BMP2K: variants seen among roughly 807,000 people sequenced by gnomAD.
BMP2K encodes BMP2 inducible kinase.
Under a neutral mutation model 116.0 loss-of-function variants are expected in BMP2K, and 74 were observed. The ratio of observed to expected loss-of-function variants is 0.64; its 90% confidence interval spans 0.53 to 0.77. The LOEUF (loss-of-function observed/expected upper bound fraction) is 0.77, where lower values mean the gene tolerates loss of function less well. Among genes scored for constraint, BMP2K ranks in the 30% least tolerant of loss-of-function variants. The pLI is 0.00. For missense variants in BMP2K, 1,365 were observed against 1,403.6 expected (o/e 0.97, Z 0.44); for synonymous variants, 486 against 502.5 (o/e 0.97, Z 0.44).
At chr4:78,781,843 G>C (rs1727519791) in intron 1 of BMP2K, among the ~76,000 whole-genome samples, 1 of 152,138 alleles carries the variant, frequency 6.6e-6, no homozygotes, top group South Asian at 2.1e-4. Flanking sequence ...TGAGTACCGA[G>C]TACCACTGAT....
intron 3 of BMP2K, 48 bp downstream of exon 3, chr4:78,833,735 A>G (rs773108508): frequency 1.6e-6 from 2 of 1,253,284 alleles, no homozygotes; most frequent in Non-Finnish European, 2.3e-6. Flanking sequence ...TTCTCCTTAA[A>G]TGGGTTACTA....
chr4:78,859,854 C>T lies in BMP2K; in HGVS notation c.987+167C>T, dbSNP rs556798102. ...GTTTGATATTTGTGGTATAAAGCTTCAGTACCCAAACTATGCACTGAGATA... is the reference window on the plus strand; with the variant it reads ...GTTTGATATTTGTGGTATAAAGCTTTAGTACCCAAACTATGCACTGAGATA... On this transcript the variant is annotated intron_variant, in intron 8 of 15. Coordinates refer to ENST00000502613, the MANE Select transcript of BMP2K (RefSeq NM_198892.2). Among the ~76,000 whole-genome samples the T allele has an allele frequency of 2.6e-5, 4 of 151,802 alleles. No homozygotes were observed. In the South Asian group the frequency reaches 8.3e-4, roughly 32 times the overall value.
At chr4:78,807,363 T>C (rs1728868891) in intron 1 of BMP2K, among the ~76,000 whole-genome samples, 1 of 152,232 alleles carries the variant, frequency 6.6e-6, no homozygotes, top group Non-Finnish European at 1.5e-5. Context: ...TGTTGGATTT[T>C]AACATCTATA....
chr4:78,821,202 C>G lies in BMP2K; in HGVS notation c.179-4835C>G, dbSNP rs564786170. Among the ~76,000 whole-genome samples the G allele has an allele frequency of 2.6e-5, 4 of 152,226 alleles. No homozygotes were observed. The South Asian group carries it at 8.3e-4, about 32-fold the overall frequency. On this transcript the variant is annotated intron_variant, in intron 1 of 15. Coordinates refer to ENST00000502613, the MANE Select transcript of BMP2K (RefSeq NM_198892.2). The stretch of plus-strand genomic sequence containing the variant: ...AGGGTTTCTTTGAACGTCTGATCAT[C>G]TTTTTATGTCTGTTCTTTTTAAAGA...
intron 14 of BMP2K, among the ~76,000 whole-genome samples, chr4:78,885,036 T>C (rs982392096): frequency 3.9e-5 from 6 of 152,190 alleles, no homozygotes; most frequent in Admixed American, 3.3e-4. Flanking sequence ...AAAATGAATT[T>C]TCATTGTTAA....
At chr4:78,803,401 C>T (rs1728666777) in intron 1 of BMP2K, among the ~76,000 whole-genome samples, 1 of 151,632 alleles carries the variant, frequency 6.6e-6, no homozygotes, top group African/African-American at 2.4e-5. Flanking sequence ...CTCTTGGTTA[C>T]TTTTTTTGGG....
intron 6 of BMP2K, among the ~76,000 whole-genome samples, chr4:78,849,984 G>A (rs1040799560): frequency 1.3e-5 from 2 of 151,646 alleles, no homozygotes; most frequent in Non-Finnish European, 3.0e-5. Context: ...AGCTGACTTG[G>A]TAATTTTTAG....
chr4:78,779,165 C>T (rs1727386899), intron 1 of BMP2K, among the ~76,000 whole-genome samples: 1 of 152,180 alleles, frequency 6.6e-6, no homozygotes, highest in Admixed American at 6.5e-5. Flanking sequence ...AACCACTGCT[C>T]CTACTATGGT....
chr4:78,819,618 T>C (rs1347061293), intron 1 of BMP2K, among the ~76,000 whole-genome samples: 1 of 152,194 alleles, frequency 6.6e-6, no homozygotes. Flanking sequence ...GGCTCAGAAA[T>C]TAATTTGCAT....
chr4:78,829,753 A>AT (rs1553915805), intron 2 of BMP2K, among the ~76,000 whole-genome samples: 15 of 121,988 alleles, frequency 1.2e-4, no homozygotes, highest in African/African-American at 3.1e-4. Flanking sequence ...CATGGAAACA[A>AT]TCTTTTCTTT....
chr4:78,803,905 T>C (rs1338004459), intron 1 of BMP2K, among the ~76,000 whole-genome samples: 1 of 152,228 alleles, frequency 6.6e-6, no homozygotes, highest in Non-Finnish European at 1.5e-5. Context: ...GTGCTTCAGT[T>C]ATATAGAACT....
intron 14 of BMP2K, among the ~76,000 whole-genome samples, chr4:78,880,758 T>C (rs754367059): frequency 3.3e-5 from 5 of 152,204 alleles, no homozygotes; most frequent in Non-Finnish European, 7.4e-5. Context: ...GATCAGATAA[T>C]GTGTAAATTT....
intron 9 of BMP2K, 131 bp downstream of exon 9, chr4:78,861,599 G>A: frequency 1.4e-6 from 1 of 732,674 alleles, no homozygotes; most frequent in Non-Finnish European, 2.2e-6. Flanking sequence ...ATTGTATGTG[G>A]TATAATTGAG....
chr4:78,784,370 T>C (rs1381461767), intron 1 of BMP2K, among the ~76,000 whole-genome samples: 2 of 152,258 alleles, frequency 1.3e-5, no homozygotes, highest in Non-Finnish European at 2.9e-5. Flanking sequence ...CTTTGTTTTA[T>C]CTTGCATGCA....
At chr4:78,883,842 G>C (rs936332387) in intron 14 of BMP2K, among the ~76,000 whole-genome samples, 1 of 152,130 alleles carries the variant, frequency 6.6e-6, no homozygotes, top group Non-Finnish European at 1.5e-5. Context: ...TGGGAGGATT[G>C]CTTGAGGCCA....
Position 78,870,853 on chromosome 4 carries a change from G to C in BMP2K, c.1302G>C (p.Gln434His), listed in dbSNP as rs1218452955. ...GQGPPQQPPQQHRVLQQLQQG... is the reference protein window; with the variant it reads ...GQGPPQQPPQHHRVLQQLQQG... ...GACCTCCTCAGCAGCCGCCACAGCA[G>C]CATAGAGTACTCCAGCAACTACAGC... Residue 434 changes from glutamine (Q) to histidine (H), a missense_variant, in exon 11 of 16, where the codon CAG (glutamine) becomes CAC (histidine). Gln to His is a conservative substitution (Grantham distance 24, BLOSUM62 0). Around this residue, in one of 3 missense-constraint regions of BMP2K, gnomAD observed 762 missense variants for 756.7 expected, o/e 1.01. Transcript: ENST00000502613. The C allele has an allele frequency of 1.2e-6, 2 of 1,614,058 alleles. No individual in the cohort carries two copies. Among genetic ancestry groups the C allele is most frequent in the Non-Finnish European group, 1.7e-6 (2 of 1,180,016 alleles).
intron 15 of BMP2K, 67 bp downstream of exon 15, chr4:78,887,351 T>C (rs1284946670): frequency 2.5e-6 from 3 of 1,192,880 alleles, no homozygotes; most frequent in East Asian, 5.0e-5. Context: ...CAAAATCTTA[T>C]AAAGTGGAAG....
chr4:78,874,604 T>A (rs1288493186), intron 13 of BMP2K, among the ~76,000 whole-genome samples: 2 of 152,216 alleles, frequency 1.3e-5, no homozygotes, highest in African/African-American at 4.8e-5. Flanking sequence ...TTAACTGTCT[T>A]CTCTGACGTA....
intron 15 of BMP2K, among the ~76,000 whole-genome samples, chr4:78,896,502 A>T (rs1036903927): frequency 6.6e-6 from 1 of 152,086 alleles, no homozygotes; most frequent in African/African-American, 2.4e-5. Flanking sequence ...ATAACATGTG[A>T]CTCAGGGTTT....
Sources: allele counts gnomAD v4.1 joint callset (sites outside exome capture counted in the v4.1 genomes callset), GRCh38; gene constraint gnomAD v4.1.1; regional missense constraint gnomAD v4.1.1; transcripts MANE v1.5; gene names NCBI Gene and HGNC (gene_info 2026-07-23, HGNC 2026-07-21).